Variants in RYR1 observed in about 807,000 individuals in gnomAD.
RYR1 encodes ryanodine receptor 1.
In RYR1, 342 loss-of-function variants were observed where a neutral mutation model predicts 583.5. That is an observed-to-expected ratio of 0.59 (90% CI 0.54 to 0.64). The LOEUF (loss-of-function observed/expected upper bound fraction) is 0.64, where lower values mean the gene tolerates loss of function less well. Ranked by LOEUF, RYR1 falls within the 30% of genes least tolerant of loss-of-function variation. The probability of loss-of-function intolerance (pLI) is 0.00; values close to 1 mark genes in which losing one functional copy is unlikely to be tolerated. For synonymous variants in RYR1, 2,791 were observed against 2,822.5 expected, an observed-to-expected ratio of 0.99 and a Z score of 0.35; for missense variants, 6,032 against 6,917.2, an observed-to-expected ratio of 0.87 and a Z score of 4.54.
intron 33 of RYR1, 124 bp from the exon 34 acceptor site, chr19:38,485,466 T>C: frequency 7.4e-7 from 1 of 1,352,270 alleles, no homozygotes; most frequent in Non-Finnish European, 1.0e-6. Context: ...TGGTAGGGGT[T>C]TGAAGGAAAG....
chr19:38,492,380 A>C lies in RYR1; in HGVS notation c.6128-110A>C, dbSNP rs533049713. ...TGTCTCAAAAAAAAAAAAAAAAAGG[A>C]AATGAAAAACTCCATGCATGCATGC... On this transcript the variant is annotated intron_variant, in intron 37 of 105. Transcript: ENST00000359596. 322 of 1,176,310 alleles carry C rather than the reference A, an allele frequency of 2.7e-4. 3 individuals are homozygous for C. In the South Asian group the frequency reaches 4.1e-3, roughly 15 times the overall value. 72.9% of individuals were successfully genotyped at this position (1,176,310 alleles called of 1,614,324 possible).
intron 90 of RYR1, among the ~76,000 whole-genome samples, chr19:38,563,639 C>A (rs1269169036): frequency 1.3e-5 from 2 of 152,168 alleles, no homozygotes; most frequent in Non-Finnish European, 2.9e-5. Context: ...AACCCTCACA[C>A]CAACCCTATA....
At chr19:38,455,139 A>T in intron 13 of RYR1, 96 bp from the exon 14 acceptor site, 1 of 1,389,814 alleles carries the variant, frequency 7.2e-7, no homozygotes. Context: ...CACCGTCACT[A>T]GTTGTTGAAG....
In RYR1 at chr19:38,513,735, CA is replaced by C. The variant is rs35735689; in HGVS notation, c.9472+1265del. Among the ~76,000 whole-genome samples, 893 of 127,920 alleles carry C rather than the reference CA, an allele frequency of 7.0e-3. 3 individuals are homozygous for C. The highest frequency in any genetic ancestry group is 0.01 in the Non-Finnish European group (599 of 59,476). The allele number at this position is 127,920 out of a possible 152,430, so 83.9% of individuals were successfully genotyped here. A position where few individuals can be genotyped will look rare whatever the true frequency, so the allele number is the denominator to read the frequency against. ...TGGGCGACAGAGCAAGACTCCATCTCAAAAAAAAAAAAAGAAAATTGTTAAC... is the reference window on the plus strand; with the variant it reads ...TGGGCGACAGAGCAAGACTCCATCTCAAAAAAAAAAAAGAAAATTGTTAAC... On this transcript the variant is annotated intron_variant, in intron 63 of 105. Coordinates refer to ENST00000359596, the MANE Select transcript of RYR1 (RefSeq NM_000540.3).
chr19:38,568,581 CAAAAAAAAAA>C lies in RYR1; in HGVS notation c.13659+676_13659+685del, dbSNP rs59369147. ...TGAAACCCCATCTCTACTAAAAATACAAAAAAAAAAAAAAAAAAAAATTAGCCAGCCATAG... is the reference window on the plus strand; with the variant it reads ...TGAAACCCCATCTCTACTAAAAATACAAAAAAAAAAATTAGCCAGCCATAG... On this transcript the variant is annotated intron_variant, in intron 93 of 105. Coordinates refer to ENST00000359596, the MANE Select transcript of RYR1 (RefSeq NM_000540.3). 8.0e-4 allele frequency among the ~76,000 whole-genome samples: 52 copies of C among 64,896 alleles called. 1 individual carries two copies. In the East Asian group the frequency reaches 0.017, roughly 21 times the overall value. 42.6% of individuals were successfully genotyped at this position (64,896 alleles called of 152,430 possible). A position where few individuals can be genotyped will look rare whatever the true frequency, so the allele number is the denominator to read the frequency against.
At chr19:38,437,461 C>G (rs1451274076) in intron 1 of RYR1, among the ~76,000 whole-genome samples, 1 of 152,076 alleles carries the variant, frequency 6.6e-6, no homozygotes, top group African/African-American at 2.4e-5. Context: ...TAATTTGGGG[C>G]AAGTGATTTT....
At chr19:38,435,508 G>A (rs1972386596) in intron 1 of RYR1, among the ~76,000 whole-genome samples, 1 of 152,148 alleles carries the variant, frequency 6.6e-6, no homozygotes, top group Non-Finnish European at 1.5e-5. Flanking sequence ...AAGGTGAGCG[G>A]ATCACTTGAG....
chr19:38,455,663 T>C lies in RYR1; in HGVS notation c.1703T>C (p.Ile568Thr), dbSNP rs1347063687. The change falls in exon 16 of 106, where the codon ATT becomes ACT. Residue 568 changes from isoleucine (I) to threonine (T), a missense_variant. Physicochemically the swap from Ile to Thr is moderately conservative, Grantham distance 89. Transcript: ENST00000359596. The stretch of plus-strand genomic sequence containing the variant: ...CTGGAGGTCCTGTACTGTGTCCTCA[T>C]TGAGAGTCCAGAGGTTCTGAACATC... ...GILEVLYCVL[I>T]ESPEVLNIIQ... 6.2e-7 allele frequency: 1 copy of C among 1,613,932 alleles called. No individual in the cohort carries two copies. Among genetic ancestry groups the C allele is most frequent in the South Asian group, 1.1e-5 (1 of 91,082 alleles).
intron 23 of RYR1, among the ~76,000 whole-genome samples, chr19:38,465,142 G>A (rs536763632): frequency 1.3e-5 from 2 of 152,254 alleles, no homozygotes; most frequent in South Asian, 4.1e-4. Context: ...AGACCCAGGA[G>A]TTTGGGGTGG....
chr19:38,575,885 C>G (rs1348343637), intron 96 of RYR1, 34 bp from the exon 97 acceptor site: 1 of 1,613,414 alleles, frequency 6.2e-7, no homozygotes, highest in Non-Finnish European at 8.5e-7. Flanking sequence ...GCCCTAACAT[C>G]TTATACTCAC....
chr19:38,455,815 C>G, intron 16 of RYR1, 64 bp downstream of exon 16: 1 of 1,015,718 alleles, frequency 9.8e-7, no homozygotes, highest in South Asian at 1.3e-5. Flanking sequence ...CCCCAGGGCT[C>G]CAGAACTCTG....
At position 38,496,148 on chromosome 19, in the gene RYR1, C is replaced by A; in HGVS notation, c.6549-67C>A. 1 of 1,286,296 alleles carries A rather than the reference C, an allele frequency of 7.8e-7. No homozygotes were observed. Among genetic ancestry groups the A allele is most frequent in the Non-Finnish European group, 1.1e-6 (1 of 887,696 alleles). 79.7% of individuals were successfully genotyped at this position (1,286,296 alleles called of 1,614,324 possible). ...AGGGTCAAGAATGCCAACGCTGTCA[C>A]AGTGGTGGCTATGGCCCTCTCCGGA... On this transcript the variant is annotated intron_variant, in intron 39 of 105. Transcript: ENST00000359596. This position sits in a 1 kb window ranked among gnomAD's most constrained non-coding sequence, Gnocchi z 4.8.
chr19:38,506,335 G>C lies in RYR1; in HGVS notation c.8574G>C (p.Gln2858His), dbSNP rs1013864633. The C allele has an allele frequency of 1.2e-6, 2 of 1,613,580 alleles. No homozygotes were observed. Among genetic ancestry groups the C allele is most frequent in the African/African-American group, 2.7e-5 (2 of 74,822 alleles). Residue 2858 changes from glutamine to histidine, a missense_variant, in exon 55 of 106, where the codon CAG (glutamine) becomes CAC (histidine). Around this residue, in one of 11 missense-constraint regions of RYR1, gnomAD observed 1,493 missense variants for 1,715.5 expected, o/e 0.87. Transcript: ENST00000359596. ...ATCCTCGAGAAGGCTACAACCCTCA[G>C]CCCCCCGACCTTAGTGCTGTTACCC... ...TYDPREGYNP[Q>H]PPDLSAVTLS... is the part of the protein sequence containing the mutation.
chr19:38,502,467 G>C (rs748300141), intron 47 of RYR1, 40 bp from the exon 48 acceptor site: 5 of 1,566,184 alleles, frequency 3.2e-6, no homozygotes, highest in Non-Finnish European at 4.3e-6. Flanking sequence ...GCAGCCCCAG[G>C]GGTGTGCAGC....
At chr19:38,537,758 C>A in intron 83 of RYR1, 122 bp from the exon 84 acceptor site, 1 of 942,790 alleles carries the variant, frequency 1.1e-6, no homozygotes, top group Non-Finnish European at 1.7e-6. Flanking sequence ...GTGGCAGCTG[C>A]TCCTCCCAGC....
chr19:38,510,640 C>T lies in RYR1; in HGVS notation c.9001-20C>T, dbSNP rs972867755. The T allele has an allele frequency of 6.2e-7, 1 of 1,613,828 alleles. No homozygotes were observed. The highest frequency in any genetic ancestry group is 1.3e-5 in the African/African-American group (1 of 74,840). ...CCCCACCCCTCATTGGACCCTTTATCTCCCCCAACCCGTCTCCAGATCCTG... is the reference window on the plus strand; with the variant it reads ...CCCCACCCCTCATTGGACCCTTTATTTCCCCCAACCCGTCTCCAGATCCTG... On this transcript the variant is annotated intron_variant, in intron 59 of 105. Transcript: ENST00000359596.
At position 38,500,708 on chromosome 19, in the gene RYR1, A is replaced by T; in HGVS notation, c.7426A>T (p.Ile2476Phe). The part of the protein sequence containing the change: ...LVGIISLPLQ[I>F]PTLGKDGALV... ...GGGCATCATCAGCCTCCCACTGCAGATTCCCACCCTGGGCAAAGGTGCAGA... is the reference window on the plus strand; with the variant it reads ...GGGCATCATCAGCCTCCCACTGCAGTTTCCCACCCTGGGCAAAGGTGCAGA... Residue 2476 changes from isoleucine to phenylalanine, a missense_variant, in exon 46 of 106, where the codon ATT becomes TTT. By Grantham distance (21) the Ile-to-Phe change is conservative (BLOSUM62 0). Transcript: ENST00000359596. This position sits in a 1 kb window ranked among gnomAD's most constrained non-coding sequence, Gnocchi z 5.9. The T allele has an allele frequency of 1.2e-6, 2 of 1,614,046 alleles. No homozygotes were observed. Among genetic ancestry groups the T allele is most frequent in the Non-Finnish European group, 1.7e-6 (2 of 1,179,986 alleles).
intron 75 of RYR1, 93 bp downstream of exon 75, chr19:38,528,788 A>T (rs1971600409): frequency 1.4e-6 from 2 of 1,454,730 alleles, no homozygotes; most frequent in African/African-American, 2.8e-5. Context: ...TCGGCCCTCC[A>T]CATCAAGGGG....
chr19:38,510,166 C>A (rs954572812), intron 58 of RYR1, among the ~76,000 whole-genome samples: 1 of 151,980 alleles, frequency 6.6e-6, no homozygotes, highest in African/African-American at 2.4e-5. Flanking sequence ...ACTAAAAATA[C>A]AAAAATTAGC....
Sources: allele counts gnomAD v4.1 joint callset (sites outside exome capture counted in the v4.1 genomes callset), GRCh38; gene constraint gnomAD v4.1.1; regional missense constraint gnomAD v4.1.1; non-coding constraint Gnocchi (gnomAD v3.1); transcripts MANE v1.5; gene names NCBI Gene and HGNC (gene_info 2026-07-23, HGNC 2026-07-21).